The following TRPC5OS variants were observed in gnomAD, a reference collection of about 807,000 sequenced individuals.
TRPC5OS encodes the protein TRPC5 opposite strand, also known as putative uncharacterized protein TRPC5OS.
For missense variants in TRPC5OS, 64 were observed against 79.3 expected, an observed-to-expected ratio of 0.81 and a Z score of 0.73; for synonymous variants, 30 against 29.3, an observed-to-expected ratio of 1.02 and a Z score of -0.08.
intron 1 of TRPC5OS, among the ~76,000 whole-genome samples, chrX:111,891,521 A>G (rs1924803257): frequency 1.8e-5 from 2 of 111,267 alleles, no homozygotes; most frequent in South Asian, 7.6e-4. Context: ...AATCCTTGCT[A>G]CACAGGATTA....
At chrX:111,897,027 A>G (rs892499917) in intron 3 of TRPC5OS, among the ~76,000 whole-genome samples, 7 of 112,238 alleles carry the variant, frequency 6.2e-5, no homozygotes, top group African/African-American at 2.3e-4. Flanking sequence ...AGCGTACACA[A>G]ACTTTGTTTA....
intron 1 of TRPC5OS, among the ~76,000 whole-genome samples, chrX:111,881,031 T>C (rs1924187551): frequency 8.9e-6 from 1 of 112,071 alleles, no homozygotes. Flanking sequence ...ATTGGTGATC[T>C]CTCTTCTAAA....
intron 1 of TRPC5OS, among the ~76,000 whole-genome samples, chrX:111,882,746 A>T (rs944613868): frequency 2.7e-5 from 3 of 112,645 alleles, no homozygotes; most frequent in African/African-American, 9.7e-5. Context: ...AGTTAGGTGG[A>T]GACAGAGTCT....
chrX:111,901,841 C>T lies in TRPC5OS; in HGVS notation c.-9C>T. 1 of 1,109,480 alleles carries T rather than the reference C, an allele frequency of 9.0e-7. No individual in the cohort carries two copies. Among genetic ancestry groups the T allele is most frequent in the Non-Finnish European group, 1.2e-6 (1 of 846,005 alleles). 91.4% of individuals were successfully genotyped at this position (1,109,480 alleles called of 1,213,427 possible). ...GTGATATTTTATCTATTTAGAAGAG[C>T]ACTGCAGCATGGATTCTGTGTTAAT... On this transcript the variant is annotated 5_prime_UTR_variant, in exon 4 of 4. Transcript: ENST00000635763.
At chrX:111,892,123 TAGA>T (rs1924835664) in intron 1 of TRPC5OS, among the ~76,000 whole-genome samples, 1 of 112,164 alleles carries the variant, frequency 8.9e-6, no homozygotes, top group Non-Finnish European at 1.9e-5. Context: ...CACAGAAACA[TAGA>T]GGAGGCCACA....
chrX:111,884,400 T>A (rs1192054072), intron 1 of TRPC5OS, among the ~76,000 whole-genome samples: 1 of 112,496 alleles, frequency 8.9e-6, no homozygotes, highest in African/African-American at 3.2e-5. Flanking sequence ...TTTAAAGGTA[T>A]ACCCAGGGCC....
chrX:111,881,325 C>T (rs967174219), intron 1 of TRPC5OS, among the ~76,000 whole-genome samples: 48 of 110,246 alleles, frequency 4.4e-4, no homozygotes, highest in Non-Finnish European at 8.0e-4. Context: ...TACAGGCACG[C>T]GCCACCACAC....
In TRPC5OS at chrX:111,901,922, G is replaced by A; in HGVS notation, c.73G>A (p.Asp25Asn). ...TGTAGCCCAGTTAATAAGAATAGCT[G>A]ATGAGCTTTTACAATTCATTCTACA... ...ACVAQLIRIA[D>N]ELLQFILQVQ... Residue 25 changes from aspartate to asparagine, a missense_variant, in exon 4 of 4, where the codon GAT becomes AAT. Physicochemically the swap from Asp to Asn is conservative, Grantham distance 23. Transcript: ENST00000635763. 8.7e-7 allele frequency: 1 copy of A among 1,154,551 alleles called. No homozygotes were observed. Among genetic ancestry groups the A allele is most frequent in the South Asian group, 1.9e-5 (1 of 52,542 alleles).
chrX:111,885,244 A>G (rs961039472), intron 1 of TRPC5OS, among the ~76,000 whole-genome samples: 3 of 112,659 alleles, frequency 2.7e-5, no homozygotes, highest in Non-Finnish European at 3.7e-5. Context: ...AATGTGTAGC[A>G]AGGGCCTGGG....
intron 1 of TRPC5OS, among the ~76,000 whole-genome samples, chrX:111,878,314 G>GA (rs907243194): frequency 3.4e-4 from 36 of 104,887 alleles, no homozygotes; most frequent in African/African-American, 8.2e-4. Context: ...AAAAGAAAAA[G>GA]AAAAAAAAAA....
At chrX:111,882,811 C>A (rs575271568) in intron 1 of TRPC5OS, among the ~76,000 whole-genome samples, 1 of 112,190 alleles carries the variant, frequency 8.9e-6, no homozygotes, top group African/African-American at 3.2e-5. Context: ...GCCGGCTGGG[C>A]GCTGTGGCTC....
chrX:111,902,183 TAAGACCC>T lies in TRPC5OS; in HGVS notation c.*1_*7del. 9.1e-7 allele frequency: 1 copy of T among 1,101,063 alleles called. No homozygotes were observed. Among genetic ancestry groups the T allele is most frequent in the Non-Finnish European group, 1.2e-6 (1 of 842,549 alleles). The allele number at this position is 1,101,063 out of a possible 1,213,427, so 90.7% of individuals were successfully genotyped here. A position where few individuals can be genotyped will look rare whatever the true frequency, so the allele number is the denominator to read the frequency against. On this transcript the variant is annotated stop_retained_variant and 3_prime_UTR_variant, in exon 4 of 4. Transcript: ENST00000635763. Reference sequence around the variant, plus strand: ...TATAAATGATGACTTAACAGGTGACTAAGACCCAATTTCTGCCCCCGTCCCCAGGGAT... The same window carrying T: ...TATAAATGATGACTTAACAGGTGACTAATTTCTGCCCCCGTCCCCAGGGAT...
Position 111,880,097 on chromosome X carries a change from T to G in TRPC5OS, c.-546+3824T>G, listed in dbSNP as rs1924140477. 2.7e-5 allele frequency among the ~76,000 whole-genome samples: 3 copies of G among 111,827 alleles called. No individual in the cohort carries two copies. The Admixed American group carries it at 2.8e-4, about 11-fold the overall frequency. On this transcript the variant is annotated intron_variant, in intron 1 of 3. Coordinates refer to ENST00000635763, the MANE Select transcript of TRPC5OS (RefSeq NM_001195578.2). Reference sequence around the variant, plus strand: ...ATTCATTTGTTGCTGCTTTTTTTTTTTTAACCACATGGCTATTTTCCTACA... The same window carrying G: ...ATTCATTTGTTGCTGCTTTTTTTTTGTTAACCACATGGCTATTTTCCTACA...
chrX:111,877,289 T>C (rs1478904720), intron 1 of TRPC5OS, among the ~76,000 whole-genome samples: 1 of 111,069 alleles, frequency 9.0e-6, no homozygotes, highest in African/African-American at 3.3e-5. Context: ...CAAAGAGGAG[T>C]TGAAGTTTAT....
At chrX:111,894,879 T>A (rs757247286) in intron 1 of TRPC5OS, among the ~76,000 whole-genome samples, 1 of 111,632 alleles carries the variant, frequency 9.0e-6, no homozygotes, top group East Asian at 2.8e-4. Context: ...CCCTTCCCAG[T>A]CAATAACCCC....
At chrX:111,900,900 C>T (rs1925309614) in intron 3 of TRPC5OS, among the ~76,000 whole-genome samples, 1 of 111,342 alleles carries the variant, frequency 9.0e-6, no homozygotes, top group Non-Finnish European at 1.9e-5. Context: ...GATTTTCAAA[C>T]AAATAATATT....
At position 111,901,646 on chromosome X, in the gene TRPC5OS, G is replaced by T. The variant is rs138876552; in HGVS notation, c.-204G>T. 3.9e-3 allele frequency: 1,283 copies of T among 328,516 alleles called. 12 individuals carry two copies. Among genetic ancestry groups the T allele is most frequent in the African/African-American group, 0.031 (1,147 of 37,123 alleles). The allele number at this position is 328,516 out of a possible 1,213,427, so 27.1% of individuals were successfully genotyped here. On this transcript the variant is annotated 5_prime_UTR_variant, in exon 4 of 4. Transcript: ENST00000635763. The stretch of plus-strand genomic sequence containing the variant: ...AGTACCATACATAAATTCTGTGCGC[G>T]GTTTACCAACATCATCAAAAAGTTA...
At chrX:111,890,759 T>G (rs1924764561) in intron 1 of TRPC5OS, among the ~76,000 whole-genome samples, 1 of 111,943 alleles carries the variant, frequency 8.9e-6, no homozygotes, top group African/African-American at 3.3e-5. Flanking sequence ...AGTGCAGGTT[T>G]GTTACATAGG....
At chrX:111,899,197 T>A (rs1376425513) in intron 3 of TRPC5OS, among the ~76,000 whole-genome samples, 2 of 110,625 alleles carry the variant, frequency 1.8e-5, no homozygotes, top group Non-Finnish European at 3.8e-5. Flanking sequence ...GGTCACTAAT[T>A]TTTTTTCCCA....
Sources: gnomAD v4.1 joint callset for allele counts (sites outside exome capture counted in the v4.1 genomes callset) on GRCh38, gnomAD v4.1.1 for gene constraint, MANE v1.5 for transcripts, NCBI Gene and HGNC (gene_info 2026-07-23, HGNC 2026-07-21) for gene names.